CREB3L2: variants seen among roughly 807,000 people sequenced by gnomAD.
CREB3L2 encodes cyclic AMP-responsive element-binding protein 3-like protein 2.
In CREB3L2, 23 loss-of-function variants were observed where a neutral mutation model predicts 57.2. The observed-to-expected ratio is 0.40, with a 90% CI of 0.29 to 0.57. The LOEUF (loss-of-function observed/expected upper bound fraction) is 0.57. Ranked by LOEUF, CREB3L2 falls within the 20% of genes least tolerant of loss-of-function variation. CREB3L2 has a pLI of 0.42. For synonymous variants in CREB3L2, 268 were observed against 265.1 expected (o/e 1.01, Z -0.11); for missense variants, 628 against 634.7 (o/e 0.99, Z 0.11).
intron 1 of CREB3L2, among the ~76,000 whole-genome samples, chr7:137,993,842 T>C (rs1206407960): frequency 6.6e-6 from 1 of 152,134 alleles, no homozygotes; most frequent in African/African-American, 2.4e-5. Context: ...GACAGTCATG[T>C]CTCCTGTCCT....
intron 4 of CREB3L2, chr7:137,912,775 GAA>G: frequency 7.1e-7 from 1 of 1,413,072 alleles, no homozygotes; most frequent in Non-Finnish European, 9.6e-7. Context: ...ACACTTAGCT[GAA>G]ATTTAATCAC....
intron 1 of CREB3L2, among the ~76,000 whole-genome samples, chr7:137,988,656 T>C (rs1207528372): frequency 1.3e-5 from 2 of 152,030 alleles, no homozygotes; most frequent in South Asian, 4.1e-4. Flanking sequence ...GGTTAATGAG[T>C]ACAAAGGCTA....
rs1017989044 is a variant in CREB3L2 at position 138,001,050 on chromosome 7, C to T, written c.102+554G>A. 1.4e-5 allele frequency among the ~76,000 whole-genome samples: 2 copies of T among 148,108 alleles called. No individual in the cohort carries two copies. The highest frequency in any genetic ancestry group is 4.9e-5 in the African/African-American group (2 of 40,532). ...TACAGTTTAAGAAAGCAAATAAAGC[C>T]GCCTTTCTCCCTAACGTAGAGGAGC... is the stretch of plus-strand genomic sequence containing the variant. On this transcript the variant is annotated intron_variant, in intron 1 of 11. Transcript: ENST00000330387. The surrounding 1 kb of genome is among the most constrained non-coding windows in gnomAD (Gnocchi z 4.2).
At chr7:137,962,575 A>G (rs1585661451) in intron 1 of CREB3L2, among the ~76,000 whole-genome samples, 1 of 152,086 alleles carries the variant, frequency 6.6e-6, no homozygotes, top group Middle Eastern at 3.4e-3. Flanking sequence ...CACTGCCCCC[A>G]GACTCAAATA....
Position 137,970,593 on chromosome 7 carries a change from G to C in CREB3L2, c.102+31011C>G, listed in dbSNP as rs140052592. ...CGATAAGCCGGACAGTTCACAGAAGGGGGTGGGTGGGGTGGGCAGGATCCA... is the reference window on the plus strand; with the variant it reads ...CGATAAGCCGGACAGTTCACAGAAGCGGGTGGGTGGGGTGGGCAGGATCCA... On this transcript the variant is annotated intron_variant, in intron 1 of 11. Transcript: ENST00000330387. Among the ~76,000 whole-genome samples, 87 of 151,916 alleles carry C rather than the reference G, an allele frequency of 5.7e-4. No homozygotes were observed. The East Asian group carries it at 0.014, about 24-fold the overall frequency.
chr7:137,918,379 C>T (rs112574598), intron 2 of CREB3L2, among the ~76,000 whole-genome samples: 3 of 152,100 alleles, frequency 2.0e-5, no homozygotes, highest in African/African-American at 2.4e-5. Context: ...TTAGTAGAGA[C>T]GGGGTTTTGT....
chr7:137,931,509 G>A (rs1307209163), intron 1 of CREB3L2, among the ~76,000 whole-genome samples: 2 of 140,556 alleles, frequency 1.4e-5, no homozygotes, highest in African/African-American at 2.7e-5. Flanking sequence ...GTGACTGAGC[G>A]AGACTCCGTC....
At chr7:137,996,414 C>T (rs114434696) in intron 1 of CREB3L2, among the ~76,000 whole-genome samples, 11 of 152,324 alleles carry the variant, frequency 7.2e-5, no homozygotes, top group African/African-American at 2.6e-4. Flanking sequence ...ATTCTGTCTC[C>T]CGTTAGAACT....
In CREB3L2 at chr7:137,890,507, T is replaced by C. The variant is rs76495330; in HGVS notation, c.1044-5005A>G. On this transcript the variant is annotated intron_variant, in intron 8 of 11. Transcript: ENST00000330387. ...AGTTTCAATCAGAGGATGACTGCTA[T>C]GTGCCTTTAATCAAGTTAAGTTCTG... is the stretch of plus-strand genomic sequence containing the variant. Among the ~76,000 whole-genome samples, 1,164 of 152,338 alleles carry C rather than the reference T, an allele frequency of 7.6e-3. 20 individuals are homozygous for C. Among genetic ancestry groups the C allele is most frequent in the African/African-American group, 0.026 (1,092 of 41,560 alleles).
At chr7:137,912,510 T>A (rs1391358098) in intron 4 of CREB3L2, among the ~76,000 whole-genome samples, 1 of 152,312 alleles carries the variant, frequency 6.6e-6, no homozygotes, top group African/African-American at 2.4e-5. Flanking sequence ...CTTGCAATAG[T>A]TGTCATTCAA....
At chr7:137,942,308 G>C (rs1441872837) in intron 1 of CREB3L2, among the ~76,000 whole-genome samples, 1 of 152,184 alleles carries the variant, frequency 6.6e-6, no homozygotes, top group African/African-American at 2.4e-5. Context: ...TCTTTCTCTG[G>C]AAGTGGGGTC....
At chr7:137,996,512 T>G (rs1386300838) in intron 1 of CREB3L2, among the ~76,000 whole-genome samples, 1 of 152,228 alleles carries the variant, frequency 6.6e-6, no homozygotes, top group East Asian at 1.9e-4. Flanking sequence ...CTTCAGAACC[T>G]GGCCTGGGGC....
intron 1 of CREB3L2, among the ~76,000 whole-genome samples, chr7:137,947,195 C>T (rs1801013981): frequency 1.3e-5 from 2 of 151,082 alleles, no homozygotes; most frequent in African/African-American, 4.9e-5. Flanking sequence ...AGAAACCAAC[C>T]ATGCTGGCAC....
intron 1 of CREB3L2, among the ~76,000 whole-genome samples, chr7:137,997,104 A>G (rs906569958): frequency 6.6e-6 from 1 of 152,108 alleles, no homozygotes; most frequent in African/African-American, 2.4e-5. Context: ...CAACGCCTCC[A>G]CTGACCTTGA....
At position 137,997,724 on chromosome 7, in the gene CREB3L2, C is replaced by T. The variant is rs1371812309; in HGVS notation, c.102+3880G>A. The stretch of plus-strand genomic sequence containing the variant: ...GTCTGGGTGTCAGAACAAGACCCAT[C>T]TCAAAAATAAAATAAAATAAAATAA... On this transcript the variant is annotated intron_variant, in intron 1 of 11. Transcript: ENST00000330387. Among the ~76,000 whole-genome samples, 6 of 104,964 alleles carry T rather than the reference C, an allele frequency of 5.7e-5. No homozygotes were observed. The Admixed American group carries it at 5.8e-4, about 10-fold the overall frequency. 68.9% of individuals were successfully genotyped at this position (104,964 alleles called of 152,430 possible). A position where few individuals can be genotyped will look rare whatever the true frequency, so the allele number is the denominator to read the frequency against.
At chr7:137,945,506 T>C (rs1371688087) in intron 1 of CREB3L2, among the ~76,000 whole-genome samples, 1 of 152,262 alleles carries the variant, frequency 6.6e-6, no homozygotes, top group Non-Finnish European at 1.5e-5. Context: ...ATAGATATTC[T>C]ATATTTTATG....
chr7:137,910,140 C>A lies in CREB3L2; in HGVS notation c.584-1704G>T, dbSNP rs953789914. On this transcript the variant is annotated intron_variant, in intron 4 of 11. Transcript: ENST00000330387. The stretch of plus-strand genomic sequence containing the variant: ...AGAGAGGATGAGCAGCAATCAGCAT[C>A]TCTCTCCTGCAGGAATACCTGAATA... Among the ~76,000 whole-genome samples, 3 of 152,122 alleles carry A rather than the reference C, an allele frequency of 2.0e-5. No individual in the cohort carries two copies. In the East Asian group the frequency reaches 5.8e-4, roughly 29 times the overall value.
Position 137,877,518 on chromosome 7 carries a change from G to A in CREB3L2, c.*2958C>T, listed in dbSNP as rs547098992. ...AGTCGAGGGCTGTGAAAAGAACCAC[G>A]GTGGGGGGTCTGGGTTACTCAGGTC... On this transcript the variant is annotated 3_prime_UTR_variant, in exon 12 of 12. Coordinates refer to ENST00000330387, the MANE Select transcript of CREB3L2 (RefSeq NM_194071.4). 56 of 226,428 alleles carry A rather than the reference G, an allele frequency of 2.5e-4. No homozygotes were observed. The highest frequency in any genetic ancestry group is 4.1e-4 in the Non-Finnish European group (47 of 113,842). 14.0% of individuals were successfully genotyped at this position (226,428 alleles called of 1,614,324 possible). A position where few individuals can be genotyped will look rare whatever the true frequency, so the allele number is the denominator to read the frequency against.
chr7:137,900,123 C>G (rs1799721010), intron 8 of CREB3L2, among the ~76,000 whole-genome samples: 1 of 152,114 alleles, frequency 6.6e-6, no homozygotes, highest in Non-Finnish European at 1.5e-5. Flanking sequence ...GATGAAACTC[C>G]CCAAAAGCCA....
Sources: gnomAD v4.1 joint callset for allele counts (sites outside exome capture counted in the v4.1 genomes callset) on GRCh38, gnomAD v4.1.1 for gene constraint, Gnocchi (gnomAD v3.1) non-coding constraint, MANE v1.5 for transcripts, NCBI Gene and HGNC (gene_info 2026-07-23, HGNC 2026-07-21) for gene names.